Variants in ASRGL1 observed in about 807,000 individuals in gnomAD.
ASRGL1 encodes isoaspartyl peptidase/L-asparaginase.
A neutral mutation model predicts 22.4 loss-of-function variants in ASRGL1; 16 were observed. The ratio of observed to expected loss-of-function variants is 0.71; its 90% CI spans 0.48 to 1.08. The LOEUF (loss-of-function observed/expected upper bound fraction) is 1.08. Among genes scored for constraint, ASRGL1 ranks in the 50% least tolerant of loss-of-function variants. The pLI, the probability that ASRGL1 is intolerant of heterozygous loss-of-function variation, is 0.00. For missense variants in ASRGL1, 412 were observed against 410.1 expected, an observed-to-expected ratio of 1.00 and a Z score of -0.04; for synonymous variants, 165 against 159.3, an observed-to-expected ratio of 1.04 and a Z score of -0.27.
At chr11:62,374,952 C>T (rs1477539744) in intron 4 of ASRGL1, among the ~76,000 whole-genome samples, 2 of 152,058 alleles carry the variant, frequency 1.3e-5, no homozygotes, top group African/African-American at 2.4e-5. Flanking sequence ...CTCCTGGAAC[C>T]CTTGAGGTCT....
chr11:62,353,213 A>G (rs1946206630), intron 2 of ASRGL1, among the ~76,000 whole-genome samples: 1 of 151,136 alleles, frequency 6.6e-6, no homozygotes, highest in South Asian at 2.1e-4. Context: ...ATCCATTGAG[A>G]TTTCTTATTT....
At chr11:62,362,555 ATATTATT>A (rs1307959233) in intron 4 of ASRGL1, among the ~76,000 whole-genome samples, 8 of 11,528 alleles carry the variant, frequency 6.9e-4, no homozygotes, top group Non-Finnish European at 1.6e-3. Flanking sequence ...TATATAACAT[ATATTATT>A]TATATAATAT....
At chr11:62,366,850 A>C (rs541815768) in intron 4 of ASRGL1, among the ~76,000 whole-genome samples, 1 of 152,282 alleles carries the variant, frequency 6.6e-6, no homozygotes, top group East Asian at 1.9e-4. Context: ...GCTGTAAATA[A>C]AATTTAAAAA....
intron 4 of ASRGL1, among the ~76,000 whole-genome samples, chr11:62,384,920 A>G (rs1470136461): frequency 6.9e-6 from 1 of 145,814 alleles, no homozygotes; most frequent in Non-Finnish European, 1.5e-5. Context: ...TGTCTCAAAA[A>G]AAAAAAAAAA....
chr11:62,362,652 T>A (rs1229503702), intron 4 of ASRGL1, among the ~76,000 whole-genome samples: 7 of 95,472 alleles, frequency 7.3e-5, no homozygotes, highest in South Asian at 2.5e-4. Context: ...ATATAATATA[T>A]ATTATATAAA....
At chr11:62,340,874 TG>T (rs796453095) in intron 2 of ASRGL1, among the ~76,000 whole-genome samples, 3 of 152,348 alleles carry the variant, frequency 2.0e-5, no homozygotes, top group African/African-American at 7.2e-5. Context: ...CAGTAGGTAT[TG>T]AGTTCAGTGG....
chr11:62,372,288 G>C (rs1946794591), intron 4 of ASRGL1: 1 of 1,602,004 alleles, frequency 6.2e-7, no homozygotes, highest in African/African-American at 1.3e-5. Context: ...GTTTGCGTTT[G>C]GGGAAAACAA....
chr11:62,351,432 C>T (rs1172628748), intron 2 of ASRGL1, among the ~76,000 whole-genome samples: 1 of 151,962 alleles, frequency 6.6e-6, no homozygotes, highest in African/African-American at 2.4e-5. Flanking sequence ...GGTGGATCAC[C>T]TGAAGTCAGG....
At chr11:62,363,074 C>T (rs551524858) in intron 4 of ASRGL1, among the ~76,000 whole-genome samples, 99 of 150,492 alleles carry the variant, frequency 6.6e-4, no homozygotes, top group Non-Finnish European at 9.3e-4. Flanking sequence ...GCTGGGACTA[C>T]AGGCGCCCGC....
chr11:62,381,246 G>T (rs1216383703), intron 4 of ASRGL1, among the ~76,000 whole-genome samples: 1 of 152,158 alleles, frequency 6.6e-6, no homozygotes, highest in Non-Finnish European at 1.5e-5. Context: ...AGAGGAGTTG[G>T]CCATCATGGT....
intron 4 of ASRGL1, among the ~76,000 whole-genome samples, chr11:62,367,539 G>A (rs1351724115): frequency 6.6e-6 from 1 of 152,000 alleles, no homozygotes; most frequent in Non-Finnish European, 1.5e-5. Context: ...AGCTACTTGG[G>A]AGGCTGAGGC....
chr11:62,372,671 C>T (rs1375796745), intron 4 of ASRGL1: 1 of 1,086,820 alleles, frequency 9.2e-7, no homozygotes, highest in Non-Finnish European at 1.4e-6. Flanking sequence ...TCTCCTGGGG[C>T]TTCAGTGGCT....
At chr11:62,362,813 T>TACACACACACACACACACACACAC (rs57501048) in intron 4 of ASRGL1, among the ~76,000 whole-genome samples, 8 of 83,858 alleles carry the variant, frequency 9.5e-5, no homozygotes, top group Non-Finnish European at 1.5e-4. Flanking sequence ...TTATCTGACA[T>TACACACACACACACACACACACAC]ACACACACAC....
intron 2 of ASRGL1, among the ~76,000 whole-genome samples, chr11:62,355,690 A>G (rs1351535966): frequency 2.0e-5 from 3 of 147,898 alleles, no homozygotes; most frequent in Admixed American, 6.9e-5. Context: ...GCAGGGTCAT[A>G]GGACAATAGT....
At chr11:62,395,198 A>C (rs1380680868), downstream of ASRGL1, among the ~76,000 whole-genome samples, 2 of 152,144 alleles carry the variant, frequency 1.3e-5, no homozygotes, top group Non-Finnish European at 2.9e-5. Flanking sequence ...CGAAGAACCC[A>C]CCCAGATCAA....
intron 4 of ASRGL1, among the ~76,000 whole-genome samples, chr11:62,358,700 A>C (rs1295401038): frequency 6.6e-6 from 1 of 152,188 alleles, no homozygotes; most frequent in Non-Finnish European, 1.5e-5. Context: ...CAGCTTGACC[A>C]GTAACCCCAA....
rs772089516 is a variant in ASRGL1, at chr11:62,392,262, C to T, written c.905C>T (p.Thr302Ile). Residue 302 changes from threonine to isoleucine, a missense_variant, in exon 7 of 7, where the codon ACT (threonine) becomes ATT (isoleucine). Thr to Ile is a moderately conservative substitution (Grantham distance 89). Coordinates refer to ENST00000415229, the MANE Select transcript of ASRGL1 (RefSeq NM_001083926.2). Reference sequence around the variant, plus strand: ...CACTTCGGAATTGATCCTGACGATACTACTATCACCGACCTTCCCTAAGCC... The same window carrying T: ...CACTTCGGAATTGATCCTGACGATATTACTATCACCGACCTTCCCTAAGCC... ...KLHFGIDPDD[T>I]TITDLP is the part of the protein sequence containing the mutation. The T allele has an allele frequency of 3.7e-6, 6 of 1,613,766 alleles. No homozygotes were observed. In the Admixed American group the frequency reaches 8.3e-5, roughly 22 times the overall value.
chr11:62,391,503 A>G lies in ASRGL1; in HGVS notation c.611-19A>G. 1.2e-6 allele frequency: 2 copies of G among 1,601,518 alleles called. No homozygotes were observed. Among genetic ancestry groups the G allele is most frequent in the East Asian group, 2.2e-5 (1 of 44,646 alleles). On this transcript the variant is annotated intron_variant, in intron 5 of 6. Transcript: ENST00000415229. ...TTTCTTGACTGTTACTGCTCAGAAC[A>G]ATCACCCTTTTTGAGCAGGAGCTGG...
At position 62,362,622 on chromosome 11, in the gene ASRGL1, TTATATAAAATATATATAA is replaced by T. The variant is rs1418133163; in HGVS notation, c.491+5486_491+5503del. 5.1e-3 allele frequency among the ~76,000 whole-genome samples: 384 copies of T among 75,680 alleles called. 6 individuals are homozygous for T. The highest frequency in any genetic ancestry group is 0.015 in the Middle Eastern group (3 of 194). 49.6% of individuals were successfully genotyped at this position (75,680 alleles called of 152,430 possible). On this transcript the variant is annotated intron_variant, in intron 4 of 6. Transcript: ENST00000415229. ...TATTATATAAAATATATATTATATA[TTATATAAAATATATATAA>T]TATATAATATATATTATATAAAATA...
Sources: gnomAD v4.1 joint callset for allele counts (sites outside exome capture counted in the v4.1 genomes callset) on GRCh38, gnomAD v4.1.1 for gene constraint, MANE v1.5 for transcripts, NCBI Gene and HGNC (gene_info 2026-07-23, HGNC 2026-07-21) for gene names.